Variants in PPM1K observed in about 807,000 individuals in gnomAD.
The protein encoded by PPM1K is protein phosphatase Mn(2+)-dependent 1K.
Under a neutral mutation model 32.6 loss-of-function variants are expected in PPM1K, and 19 were observed. The observed-to-expected ratio is 0.58, with a 90% CI of 0.41 to 0.86. The LOEUF is 0.86. Among genes scored for constraint, PPM1K ranks in the 40% least tolerant of loss-of-function variants. PPM1K has a pLI of 0.00. For synonymous variants in PPM1K, 159 were observed against 165.3 expected (o/e 0.96, Z 0.29); for missense variants, 362 against 461.2 (o/e 0.78, Z 1.97).
At position 88,262,575 on chromosome 4, in the gene PPM1K, C is replaced by T; in HGVS notation, c.*20G>A. 1.2e-6 allele frequency: 2 copies of T among 1,611,806 alleles called. No individual in the cohort carries two copies. Among genetic ancestry groups the T allele is most frequent in the Non-Finnish European group, 8.5e-7 (1 of 1,179,026 alleles). On this transcript the variant is annotated 3_prime_UTR_variant, in exon 7 of 7. Transcript: ENST00000608933. ...TCAGTGAAAAACTGTTGCACAGAAA[C>T]TCTAAGTCCCAGCTGGTAATCAGGC...
chr4:88,262,529 CT>C lies in PPM1K; in HGVS notation c.*65del. On this transcript the variant is annotated 3_prime_UTR_variant, in exon 7 of 7. Transcript: ENST00000608933. ...TAGTGAGTTAGGAGACCTTTTTGAT[CT>C]TATCAGTTTCTTGACATGCTCAGTG... 2 of 1,572,602 alleles carry C rather than the reference CT, an allele frequency of 1.3e-6. No homozygotes were observed. Among genetic ancestry groups the C allele is most frequent in the Non-Finnish European group, 1.7e-6 (2 of 1,158,558 alleles).
chr4:88,277,308 T>C (rs1731818353), intron 2 of PPM1K, 65 bp from the exon 3 acceptor site: 1 of 1,081,906 alleles, frequency 9.2e-7, no homozygotes, highest in Non-Finnish European at 1.4e-6. Context: ...TCCTCACTGT[T>C]ACTCTAGCTA....
At chr4:88,262,846 T>G (rs1452733283) in intron 6 of PPM1K, 120 bp from the exon 7 acceptor site, 7 of 1,032,276 alleles carry the variant, frequency 6.8e-6, no homozygotes, top group Non-Finnish European at 9.5e-6. Flanking sequence ...TGGTCTTATG[T>G]GCAGTTACTA....
chr4:88,266,247 G>C (rs954735213), intron 5 of PPM1K, among the ~76,000 whole-genome samples: 5 of 152,232 alleles, frequency 3.3e-5, no homozygotes, highest in Non-Finnish European at 7.3e-5. Flanking sequence ...CATGGACTGG[G>C]TGTGTGTTGG....
chr4:88,268,709 A>G (rs1731437773), intron 4 of PPM1K, 32 bp downstream of exon 4: 2 of 1,573,002 alleles, frequency 1.3e-6, no homozygotes, highest in Non-Finnish European at 1.7e-6. Context: ...TCATCCACAT[A>G]GAATGATATG....
At chr4:88,274,071 C>T (rs1731669552) in intron 3 of PPM1K, among the ~76,000 whole-genome samples, 2 of 152,156 alleles carry the variant, frequency 1.3e-5, no homozygotes, top group Admixed American at 1.3e-4. Context: ...TATTAAGTCT[C>T]CACTCCTAAC....
In PPM1K at chr4:88,262,505, A is replaced by G; in HGVS notation, c.*90T>C. The G allele has an allele frequency of 7.0e-7, 1 of 1,436,622 alleles. No homozygotes were observed. The highest frequency in any genetic ancestry group is 2.3e-5 in the East Asian group (1 of 43,508). The allele number at this position is 1,436,622 out of a possible 1,614,324, so 89.0% of individuals were successfully genotyped here. On this transcript the variant is annotated 3_prime_UTR_variant, in exon 7 of 7. Transcript: ENST00000608933. Reference sequence around the variant, plus strand: ...TTTACACTGACTTGTGCGCTGATCTAGTGAGTTAGGAGACCTTTTTGATCT... The same window carrying G: ...TTTACACTGACTTGTGCGCTGATCTGGTGAGTTAGGAGACCTTTTTGATCT...
At chr4:88,265,669 G>A (rs1731275612) in intron 5 of PPM1K, among the ~76,000 whole-genome samples, 1 of 152,186 alleles carries the variant, frequency 6.6e-6, no homozygotes, top group African/African-American at 2.4e-5. Flanking sequence ...GTAACATTTA[G>A]AATTAACCAG....
intron 3 of PPM1K, chr4:88,276,174 T>C: frequency 1.0e-6 from 1 of 985,478 alleles, no homozygotes; most frequent in East Asian, 1.1e-4. Flanking sequence ...TTTACCACTC[T>C]AATCTTCAGT....
intron 3 of PPM1K, among the ~76,000 whole-genome samples, chr4:88,269,675 G>A (rs1357429176): frequency 6.6e-6 from 1 of 152,184 alleles, no homozygotes; most frequent in Non-Finnish European, 1.5e-5. Flanking sequence ...ACTCCAGAAG[G>A]TTGTAATACA....
At position 88,259,544 on chromosome 4, in the gene PPM1K, A is replaced by G. The variant is rs1731044528; in HGVS notation, c.*3051T>C. The G allele has an allele frequency of 1.3e-5, 2 of 152,192 alleles. No homozygotes were observed. The highest frequency in any genetic ancestry group is 2.9e-5 in the Non-Finnish European group (2 of 68,032). The allele number at this position is 152,192 out of a possible 1,614,324, so 9.4% of individuals were successfully genotyped here. Reference sequence around the variant, plus strand: ...ACACTATGCCTATACCCACATGGCAAATTCAGTTATAACTGAAAAACTAGA... The same window carrying G: ...ACACTATGCCTATACCCACATGGCAGATTCAGTTATAACTGAAAAACTAGA... On this transcript the variant is annotated 3_prime_UTR_variant, in exon 7 of 7. Coordinates refer to ENST00000608933, the MANE Select transcript of PPM1K (RefSeq NM_152542.5).
chr4:88,281,935 G>A lies in PPM1K; in HGVS notation c.-60+2471C>T, dbSNP rs187689221. 9.9e-5 allele frequency among the ~76,000 whole-genome samples: 15 copies of A among 151,992 alleles called. No individual in the cohort carries two copies. The East Asian group carries it at 2.7e-3, about 27-fold the overall frequency. On this transcript the variant is annotated intron_variant, in intron 1 of 6. Transcript: ENST00000608933. The stretch of plus-strand genomic sequence containing the variant: ...TGCTTTGACCAGCAAGGCAAGGGGA[G>A]TAGAACTTGTGATGTGAAAAACAAA...
Position 88,265,014 on chromosome 4 carries a change from GC to G in PPM1K, c.973del (p.Ala325ArgfsTer2). 6.2e-7 allele frequency: 1 copy of G among 1,614,062 alleles called. No individual in the cohort carries two copies. The highest frequency in any genetic ancestry group is 8.5e-7 in the Non-Finnish European group (1 of 1,179,990). Reference sequence around the variant, plus strand: ...GCTCTGGGTCACCTGTTCAGTCACCGCATGGGCTGCTTCGTTGGGATCATGG... The same window carrying G: ...GCTCTGGGTCACCTGTTCAGTCACCGATGGGCTGCTTCGTTGGGATCATGG... ...QCHDPNEAAH[A>X]VTEQAIQYGT... On this transcript the variant is annotated frameshift_variant, in exon 6 of 7. Transcript: ENST00000608933. LOFTEE classifies it high-confidence loss of function.
chr4:88,262,760 T>G (rs367782370), intron 6 of PPM1K, 34 bp from the exon 7 acceptor site: 113 of 1,584,562 alleles, frequency 7.1e-5, no homozygotes, highest in Non-Finnish European at 8.8e-5. Context: ...GAGAAAAACA[T>G]TGGAAATCAC....
chr4:88,263,018 G>T (rs1441158250), intron 6 of PPM1K, among the ~76,000 whole-genome samples: 1 of 152,174 alleles, frequency 6.6e-6, no homozygotes, highest in East Asian at 1.9e-4. Flanking sequence ...AAGGGGCATT[G>T]GTATGCAGCT....
At chr4:88,272,533 C>T (rs1731605008) in intron 3 of PPM1K, among the ~76,000 whole-genome samples, 1 of 152,062 alleles carries the variant, frequency 6.6e-6, no homozygotes, top group Non-Finnish European at 1.5e-5. Flanking sequence ...AATTTTCTAC[C>T]ATCTAGTTTG....
Position 88,262,585 on chromosome 4 carries a change from C to CA in PPM1K, c.*9dup. 1.2e-6 allele frequency: 2 copies of CA among 1,612,910 alleles called. No homozygotes were observed. Among genetic ancestry groups the CA allele is most frequent in the Non-Finnish European group, 1.7e-6 (2 of 1,179,550 alleles). On this transcript the variant is annotated 3_prime_UTR_variant, in exon 7 of 7. Transcript: ENST00000608933. ...ACTGTTGCACAGAAACTCTAAGTCC[C>CA]AGCTGGTAATCAGGCCCATCGTCCA...
chr4:88,278,727 C>G lies in PPM1K; in HGVS notation c.-59-85G>C, dbSNP rs1302674822. ...GGGAGAGAGACAGAGAGAGAGAGAC[C>G]ATCAGAAATTTTGAATATAACTGAT... On this transcript the variant is annotated intron_variant, in intron 1 of 6. Coordinates refer to ENST00000608933, the MANE Select transcript of PPM1K (RefSeq NM_152542.5). This position sits in a 1 kb window ranked among gnomAD's most constrained non-coding sequence, Gnocchi z 4.2. The G allele has an allele frequency of 6.3e-6, 4 of 638,770 alleles. No homozygotes were observed. The African/African-American group carries it at 7.4e-5, about 12-fold the overall frequency. 39.6% of individuals were successfully genotyped at this position (638,770 alleles called of 1,614,324 possible).
chr4:88,278,264 T>C lies in PPM1K; in HGVS notation c.320A>G (p.Asn107Ser). The C allele has an allele frequency of 6.2e-7, 1 of 1,614,224 alleles. No homozygotes were observed. Among genetic ancestry groups the C allele is most frequent in the South Asian group, 1.1e-5 (1 of 91,078 alleles). Residue 107 changes from asparagine (N) to serine (S), a missense_variant, in exon 2 of 7, where the codon AAT becomes AGT. Coordinates refer to ENST00000608933, the MANE Select transcript of PPM1K (RefSeq NM_152542.5). The surrounding 1 kb of genome is among the most constrained non-coding windows in gnomAD (Gnocchi z 4.2). ...CASQIGKRKE[N>S]EDRFDFAQLT... Reference sequence around the variant, plus strand: ...CTGAGCGAAGTCAAACCGATCTTCATTCTCTTTCCGTTTGCCAATCTGTGA... The same window carrying C: ...CTGAGCGAAGTCAAACCGATCTTCACTCTCTTTCCGTTTGCCAATCTGTGA...
Sources: allele counts gnomAD v4.1 joint callset (sites outside exome capture counted in the v4.1 genomes callset), GRCh38; gene constraint gnomAD v4.1.1; non-coding constraint Gnocchi (gnomAD v3.1); transcripts MANE v1.5; gene names NCBI Gene and HGNC (gene_info 2026-07-23, HGNC 2026-07-21).